Variants in IL36RN observed in about 807,000 individuals in gnomAD.
IL36RN encodes the protein interleukin 36 receptor antagonist.
In IL36RN, 11 loss-of-function variants were observed where a neutral mutation model predicts 13.0. That is an observed-to-expected ratio of 0.85 (90% CI 0.53 to 1.40). IL36RN has a LOEUF of 1.40. Ranked by LOEUF, IL36RN falls within the 40% of genes most tolerant of loss-of-function variation. IL36RN has a pLI of 0.00. For missense variants in IL36RN, 195 were observed against 195.3 expected (o/e 1.00, Z 0.01); for synonymous variants, 94 against 84.1 (o/e 1.12, Z -0.64).
At position 113,060,847 on chromosome 2, in the gene IL36RN, T is replaced by C. The variant is rs754141785; in HGVS notation, c.30-5T>C. 2 of 1,612,142 alleles carry C rather than the reference T, an allele frequency of 1.2e-6. No individual in the cohort carries two copies. The highest frequency in any genetic ancestry group is 1.7e-6 in the Non-Finnish European group (2 of 1,178,276). ...TGTAGTCCTCACCCCTTCCTGATGT[T>C]TCAGAATGAAGGACTCGGCATTGAA... On this transcript the variant is annotated splice_region_variant and splice_polypyrimidine_tract_variant and intron_variant, in intron 2 of 4. Coordinates refer to ENST00000393200, the MANE Select transcript of IL36RN (RefSeq NM_012275.3).
Position 113,062,121 on chromosome 2 carries a change from C to G in IL36RN, c.116-3C>G. The G allele has an allele frequency of 6.2e-7, 1 of 1,613,948 alleles. No individual in the cohort carries two copies. ...GGCCCTGCATCTGGCCTCTTTCCCA[C>G]AGGTGAAGAGATCAGCGTGGTCCCC... On this transcript the variant is annotated splice_region_variant and splice_polypyrimidine_tract_variant and intron_variant, in intron 3 of 4. Transcript: ENST00000393200.
chr2:113,063,089 A>T lies in IL36RN; in HGVS notation c.*412A>T, dbSNP rs1337180896. 8.9e-6 allele frequency: 3 copies of T among 337,396 alleles called. No homozygotes were observed. Among genetic ancestry groups the T allele is most frequent in the Non-Finnish European group, 1.7e-5 (3 of 172,326 alleles). 20.9% of individuals were successfully genotyped at this position (337,396 alleles called of 1,614,324 possible). On this transcript the variant is annotated 3_prime_UTR_variant, in exon 5 of 5. Coordinates refer to ENST00000393200, the MANE Select transcript of IL36RN (RefSeq NM_012275.3). ...CTCTCCACATGAAGACCTGTCACTC[A>T]CCACTATGCAGGAGAGGGAGGTGGT...
rs28938776 is a variant in IL36RN, at chr2:113,061,806, A to C, written c.116-318A>C. On this transcript the variant is annotated intron_variant, in intron 3 of 4. Transcript: ENST00000393200. ...AAACAATTCCAAAGGGGGGCTTATC[A>C]AGACAGGGTTCAGAAAAAGGCCTGA... Among the ~76,000 whole-genome samples, 737 of 152,272 alleles carry C rather than the reference A, an allele frequency of 4.8e-3. 9 individuals carry two copies. Among genetic ancestry groups the C allele is most frequent in the African/African-American group, 0.017 (700 of 41,540 alleles).
rs1271308882 is a variant in IL36RN at position 113,063,570 on chromosome 2, A to T, written c.*893A>T. ...ATTTCCTAATTTTTCTACAATGAAG[A>T]TGAATTCCTTGTATAAAAATAAGAA... On this transcript the variant is annotated 3_prime_UTR_variant, in exon 5 of 5. Transcript: ENST00000393200. The T allele has an allele frequency of 6.6e-6, 1 of 152,236 alleles. No homozygotes were observed. The highest frequency in any genetic ancestry group is 6.5e-5 in the Admixed American group (1 of 15,280). 9.4% of individuals were successfully genotyped at this position (152,236 alleles called of 1,614,324 possible).
chr2:113,060,520 G>A (rs531110925), intron 2 of IL36RN, among the ~76,000 whole-genome samples: 1 of 152,324 alleles, frequency 6.6e-6, no homozygotes, highest in South Asian at 2.1e-4. Flanking sequence ...GTTGTCTCCT[G>A]CGACTCAGCA....
At position 113,063,276 on chromosome 2, in the gene IL36RN, G is replaced by C. The variant is rs1685681739; in HGVS notation, c.*599G>C. On this transcript the variant is annotated 3_prime_UTR_variant, in exon 5 of 5. Coordinates refer to ENST00000393200, the MANE Select transcript of IL36RN (RefSeq NM_012275.3). ...AATGGCTCGAGCTCAGAAGATAAAAGATAAGTAGGGTATGCTGATCCTCTT... is the reference window on the plus strand; with the variant it reads ...AATGGCTCGAGCTCAGAAGATAAAACATAAGTAGGGTATGCTGATCCTCTT... 6.0e-6 allele frequency: 1 copy of C among 167,306 alleles called. No homozygotes were observed. The highest frequency in any genetic ancestry group is 2.4e-5 in the African/African-American group (1 of 41,900). 10.4% of individuals were successfully genotyped at this position (167,306 alleles called of 1,614,324 possible).
chr2:113,062,661 TC>T lies in IL36RN; in HGVS notation c.454del (p.Gln152SerfsTer20). The T allele has an allele frequency of 6.2e-7, 1 of 1,611,376 alleles. No homozygotes were observed. ...AATGCCCCCATCACAGACTTCTACT[TC>T]CAGCAGTGTGACTAGGGCAACGTGC... ...GWNAPITDFY[F>X]QQCD On this transcript the variant is annotated frameshift_variant, in exon 5 of 5. Transcript: ENST00000393200. LOFTEE classifies it high-confidence loss of function.
intron 3 of IL36RN, 92 bp downstream of exon 3, chr2:113,061,029 G>C: frequency 1.0e-6 from 1 of 973,964 alleles, no homozygotes; most frequent in Non-Finnish European, 1.6e-6. Context: ...ATACAGATTA[G>C]CATAGGCCTA....
rs948198550 is a variant in IL36RN at position 113,064,277 on chromosome 2, C to A, written c.*1600C>A. On this transcript the variant is annotated 3_prime_UTR_variant, in exon 5 of 5. Transcript: ENST00000393200. ...TCCTGAACGAAGAAAGAATAAATTT[C>A]GGCTGTTTTAAGCCACCAAGGATAA... 3 of 152,152 alleles carry A rather than the reference C, an allele frequency of 2.0e-5. No homozygotes were observed. The highest frequency in any genetic ancestry group is 4.4e-5 in the Non-Finnish European group (3 of 68,030). 9.4% of individuals were successfully genotyped at this position (152,152 alleles called of 1,614,324 possible).
intron 4 of IL36RN, 45 bp from the exon 5 acceptor site, chr2:113,062,408 G>GCC (rs778758453): frequency 5.6e-6 from 9 of 1,609,346 alleles, no homozygotes; most frequent in Admixed American, 1.7e-5. Flanking sequence ...CCCTCCCTCT[G>GCC]CCCCTGCTTC....
chr2:113,060,230 A>G (rs1685614072), intron 2 of IL36RN, among the ~76,000 whole-genome samples: 1 of 152,174 alleles, frequency 6.6e-6, no homozygotes. Flanking sequence ...TTTCCCCCAT[A>G]TAACTTTTGG....
At chr2:113,062,381 C>T in intron 4 of IL36RN, 72 bp from the exon 5 acceptor site, 1 of 1,604,708 alleles carries the variant, frequency 6.2e-7, no homozygotes, top group South Asian at 1.1e-5. Flanking sequence ...TGCCTCCTCC[C>T]TAAGGATCCT....
At chr2:113,059,275 T>C in intron 1 of IL36RN, 34 bp downstream of exon 1, 1 of 739,806 alleles carries the variant, frequency 1.4e-6, no homozygotes, top group Admixed American at 2.0e-5. Context: ...ACCGGAGCTC[T>C]CTCCTGACCC....
At chr2:113,060,971 C>A (rs1343707117) in intron 3 of IL36RN, 34 bp downstream of exon 3, 9 of 1,492,064 alleles carry the variant, frequency 6.0e-6, no homozygotes, top group African/African-American at 1.4e-5. Flanking sequence ...TTTCCTTGGT[C>A]TCTATACACT....
Position 113,063,509 on chromosome 2 carries a change from AG to A in IL36RN, c.*834del, listed in dbSNP as rs1364755656. 6.6e-6 allele frequency: 1 copy of A among 152,222 alleles called. No homozygotes were observed. The highest frequency in any genetic ancestry group is 2.4e-5 in the African/African-American group (1 of 41,464). 9.4% of individuals were successfully genotyped at this position (152,222 alleles called of 1,614,324 possible). ...AGCAATGTCAGGGTGGTGGCAGTATAGGTGATTTTTCTTTTAATTCTGTTAA... is the reference window on the plus strand; with the variant it reads ...AGCAATGTCAGGGTGGTGGCAGTATAGTGATTTTTCTTTTAATTCTGTTAA... On this transcript the variant is annotated 3_prime_UTR_variant, in exon 5 of 5. Transcript: ENST00000393200.
intron 3 of IL36RN, 65 bp downstream of exon 3, chr2:113,061,002 G>A: frequency 8.1e-7 from 1 of 1,234,690 alleles, no homozygotes; most frequent in South Asian, 1.2e-5. Context: ...GGGGCCTGAA[G>A]AGGGCTTAGA....
Position 113,064,359 on chromosome 2 carries a change from C to T in IL36RN, c.*1682C>T, listed in dbSNP as rs901606785. On this transcript the variant is annotated 3_prime_UTR_variant, in exon 5 of 5. Coordinates refer to ENST00000393200, the MANE Select transcript of IL36RN (RefSeq NM_012275.3). Reference sequence around the variant, plus strand: ...GCTGCTAAAATGATCCCTGTCTCCTCGTGTTTACATTCTGTGTGTGTCCCC... The same window carrying T: ...GCTGCTAAAATGATCCCTGTCTCCTTGTGTTTACATTCTGTGTGTGTCCCC... The T allele has an allele frequency of 8.5e-5, 13 of 152,210 alleles. No homozygotes were observed. Among genetic ancestry groups the T allele is most frequent in the African/African-American group, 3.1e-4 (13 of 41,450 alleles). 9.4% of individuals were successfully genotyped at this position (152,210 alleles called of 1,614,324 possible).
rs772037773 is a variant in IL36RN at position 113,060,942 on chromosome 2, G to T, written c.115+5G>T. ...ATGCAGGGAAGGTCATTAAAGGTTGGTGATGAAACATGACCCACTTTCCTT... is the reference window on the plus strand; with the variant it reads ...ATGCAGGGAAGGTCATTAAAGGTTGTTGATGAAACATGACCCACTTTCCTT... On this transcript the variant is annotated splice_donor_5th_base_variant and intron_variant, in intron 3 of 4. Transcript: ENST00000393200. 6.2e-7 allele frequency: 1 copy of T among 1,611,354 alleles called. No individual in the cohort carries two copies. The highest frequency in any genetic ancestry group is 8.5e-7 in the Non-Finnish European group (1 of 1,177,548).
In IL36RN at chr2:113,060,822, T is replaced by C. The variant is rs201484887; in HGVS notation, c.30-30T>C. On this transcript the variant is annotated intron_variant, in intron 2 of 4. Transcript: ENST00000393200. ...GCTGGAGTGTCCACCCTCCTCCTAA[T>C]GTAGTCCTCACCCCTTCCTGATGTT... 4.5e-6 allele frequency: 7 copies of C among 1,539,196 alleles called. No homozygotes were observed. In the East Asian group the frequency reaches 1.1e-4, roughly 25 times the overall value.
Sources: gnomAD v4.1 joint callset for allele counts (sites outside exome capture counted in the v4.1 genomes callset) on GRCh38, gnomAD v4.1.1 for gene constraint, MANE v1.5 for transcripts, NCBI Gene and HGNC (gene_info 2026-07-23, HGNC 2026-07-21) for gene names.